The following PDE8A variants were observed in gnomAD, a reference collection of about 807,000 sequenced individuals.
The protein encoded by PDE8A is phosphodiesterase 8A.
Under a neutral mutation model 105.0 loss-of-function variants are expected in PDE8A, and 59 were observed. The ratio of observed to expected loss-of-function variants is 0.56; its 90% confidence interval spans 0.46 to 0.70. The LOEUF (loss-of-function observed/expected upper bound fraction) is 0.70. Ranked by LOEUF, PDE8A falls within the 30% of genes least tolerant of loss-of-function variation. The probability of loss-of-function intolerance (pLI) is 0.00; values close to 1 mark genes in which losing one functional copy is unlikely to be tolerated. For synonymous variants in PDE8A, 355 were observed against 371.9 expected, an observed-to-expected ratio of 0.95 and a Z score of 0.52; for missense variants, 1,014 against 1,045.9, an observed-to-expected ratio of 0.97 and a Z score of 0.42.
chr15:85,016,785 G>T (rs1458736022), intron 1 of PDE8A, among the ~76,000 whole-genome samples: 3 of 152,148 alleles, frequency 2.0e-5, no homozygotes. Context: ...TCTTATACAA[G>T]AACATGGTAT....
intron 9 of PDE8A, among the ~76,000 whole-genome samples, chr15:85,098,269 A>T (rs1179128329): frequency 6.6e-6 from 1 of 152,252 alleles, no homozygotes; most frequent in Non-Finnish European, 1.5e-5. Flanking sequence ...AGCTGCGTGG[A>T]TACACAAGAA....
intron 1 of PDE8A, among the ~76,000 whole-genome samples, chr15:84,989,428 TC>T (rs1490426906): frequency 4.6e-5 from 7 of 152,336 alleles, no homozygotes; most frequent in African/African-American, 7.2e-5. Flanking sequence ...CTTCACTTCC[TC>T]TTACTCTGCT....
At chr15:84,982,420 G>A (rs2079730498) in intron 1 of PDE8A, 72 bp downstream of exon 1, 2 of 1,022,812 alleles carry the variant, frequency 2.0e-6, no homozygotes, top group Non-Finnish European at 2.6e-6. Context: ...TCCCGCAGGG[G>A]CCGGGCGGGG....
chr15:84,997,071 T>G (rs1596417407), intron 1 of PDE8A, among the ~76,000 whole-genome samples: 2 of 152,262 alleles, frequency 1.3e-5, no homozygotes, highest in South Asian at 4.1e-4. Flanking sequence ...TTTTACTTTA[T>G]AAAGTTTTTT....
chr15:85,088,507 A>T (rs1015659159), intron 6 of PDE8A, among the ~76,000 whole-genome samples: 1 of 152,234 alleles, frequency 6.6e-6, no homozygotes. Context: ...TTATCCATTC[A>T]TCAGTTGATG....
chr15:85,112,120 C>G (rs2082029342), intron 12 of PDE8A, among the ~76,000 whole-genome samples: 1 of 152,034 alleles, frequency 6.6e-6, no homozygotes, highest in Non-Finnish European at 1.5e-5. Context: ...TCATGACAAT[C>G]TTTATACTTT....
chr15:84,999,637 C>CA (rs1399258800), intron 1 of PDE8A, among the ~76,000 whole-genome samples: 1 of 151,884 alleles, frequency 6.6e-6, no homozygotes, highest in African/African-American at 2.4e-5. Context: ...TTCAGTGGTG[C>CA]AATCTTGGCT....
intron 1 of PDE8A, among the ~76,000 whole-genome samples, chr15:85,008,942 A>G (rs1042296025): frequency 2.0e-5 from 3 of 152,058 alleles, no homozygotes; most frequent in African/African-American, 7.2e-5. Context: ...ATCTCTCCCA[A>G]GCTGGTCTGT....
chr15:85,120,669 G>A (rs891016941), intron 17 of PDE8A, 128 bp from the exon 18 acceptor site: 8 of 641,586 alleles, frequency 1.2e-5, no homozygotes, highest in African/African-American at 5.4e-5. Flanking sequence ...ATTTGCTCAC[G>A]TAGTATGCTT....
chr15:85,018,083 A>G (rs1438307037), intron 1 of PDE8A, among the ~76,000 whole-genome samples: 2 of 152,158 alleles, frequency 1.3e-5, no homozygotes, highest in Non-Finnish European at 2.9e-5. Flanking sequence ...CACTTTGGCT[A>G]TCAAGTGAAA....
intron 1 of PDE8A, among the ~76,000 whole-genome samples, chr15:85,047,681 A>T (rs989341195): frequency 3.3e-5 from 5 of 152,202 alleles, no homozygotes; most frequent in Admixed American, 6.5e-5. Context: ...TTACTTTTAT[A>T]AGTTCACATC....
In PDE8A at chr15:85,123,102, T is replaced by C. The variant is rs777314027; in HGVS notation, c.1994T>C (p.Val665Ala). The part of the protein sequence containing the change: ...RTLRQGIIDM[V>A]LATEMTKHFE... ...CTGCGCCAGGGGATTATCGACATGG[T>C]CTTAGCCACAGAAATGACAAAGCAC... Residue 665 changes from valine (V) to alanine (A), a missense_variant, in exon 19 of 22, where the codon GTC (valine) becomes GCC (alanine). Coordinates refer to ENST00000394553, the MANE Select transcript of PDE8A (RefSeq NM_002605.3). 1 of 1,614,008 alleles carries C rather than the reference T, an allele frequency of 6.2e-7. No individual in the cohort carries two copies. The highest frequency in any genetic ancestry group is 1.1e-5 in the South Asian group (1 of 91,084).
chr15:85,047,864 A>G (rs895320406), intron 1 of PDE8A, among the ~76,000 whole-genome samples: 1 of 152,166 alleles, frequency 6.6e-6, no homozygotes, highest in Non-Finnish European at 1.5e-5. Context: ...ATGTATATAC[A>G]TACTTTTTAC....
intron 1 of PDE8A, among the ~76,000 whole-genome samples, chr15:84,996,790 C>T (rs2079984217): frequency 7.6e-6 from 1 of 131,894 alleles, no homozygotes; most frequent in Admixed American, 8.8e-5. Flanking sequence ...CGCACCACTG[C>T]ACTCCATCCT....
intron 1 of PDE8A, among the ~76,000 whole-genome samples, chr15:85,002,986 T>G (rs1407063146): frequency 6.6e-6 from 1 of 152,254 alleles, no homozygotes; most frequent in Non-Finnish European, 1.5e-5. Flanking sequence ...CTTTGGTATT[T>G]CTGTGTTTTT....
At position 85,115,468 on chromosome 15, in the gene PDE8A, A is replaced by G; in HGVS notation, c.1380A>G (p.Glu460=). The change falls in exon 15 of 22, where the codon GAA becomes GAG. Residue 460 remains glutamate (E), a synonymous_variant. Transcript: ENST00000394553. ...GTTTGCGAAGACTATCAGGGAATGA[A>G]TATGTTCTTTCAACAAAAAGTAAGT... is the stretch of plus-strand genomic sequence containing the variant. ...SDGLRRLSGN[E]YVLSTKNTQM... 1 of 1,532,694 alleles carries G rather than the reference A, an allele frequency of 6.5e-7. No individual in the cohort carries two copies. Among genetic ancestry groups the G allele is most frequent in the East Asian group, 2.4e-5 (1 of 42,022 alleles). The allele number at this position is 1,532,694 out of a possible 1,614,324, so 94.9% of individuals were successfully genotyped here.
At chr15:85,055,604 T>G (rs553649199) in intron 1 of PDE8A, among the ~76,000 whole-genome samples, 268 of 152,350 alleles carry the variant, frequency 1.8e-3, no homozygotes, top group African/African-American at 6.3e-3. Context: ...TGGTTTAAAG[T>G]CTGTTTTATC....
chr15:85,126,483 G>C, intron 20 of PDE8A, 109 bp downstream of exon 20: 1 of 848,624 alleles, frequency 1.2e-6, no homozygotes, highest in Non-Finnish European at 1.6e-6. Context: ...AAAAAATTCT[G>C]TCCTTGTTTT....
At chr15:85,064,464 T>C in intron 2 of PDE8A, 38 bp downstream of exon 2, 1 of 1,426,922 alleles carries the variant, frequency 7.0e-7, no homozygotes. Context: ...ACATGCTGAT[T>C]TTCTTTAAAA....
Sources: allele counts gnomAD v4.1 joint callset (sites outside exome capture counted in the v4.1 genomes callset), GRCh38; gene constraint gnomAD v4.1.1; transcripts MANE v1.5; gene names NCBI Gene and HGNC (gene_info 2026-07-23, HGNC 2026-07-21).